Variants in KCNIP4 observed in about 807,000 individuals in gnomAD.
KCNIP4 encodes potassium voltage-gated channel interacting protein 4, also known as Kv channel-interacting protein 4.
In KCNIP4, 12 loss-of-function variants were observed where a neutral mutation model predicts 34.0. That is an observed-to-expected ratio of 0.35 (90% CI 0.23 to 0.57). The LOEUF (loss-of-function observed/expected upper bound fraction) is 0.57, where lower values mean the gene tolerates loss of function less well. Ranked by LOEUF, KCNIP4 falls within the 20% of genes least tolerant of loss-of-function variation. The pLI, the probability that KCNIP4 is intolerant of heterozygous loss-of-function variation, is 0.83. For missense variants in KCNIP4, 238 were observed against 311.7 expected, an observed-to-expected ratio of 0.76 and a Z score of 1.78; for synonymous variants, 124 against 102.2, an observed-to-expected ratio of 1.21 and a Z score of -1.29.
intron 1 of KCNIP4, among the ~76,000 whole-genome samples, chr4:21,179,457 A>C (rs1246886372): frequency 6.6e-6 from 1 of 152,214 alleles, no homozygotes; most frequent in African/African-American, 2.4e-5. Flanking sequence ...AGCATTGGAA[A>C]ATGCCCCAGT....
At chr4:20,805,186 CTTTTTTTTTTTTTTTTTTT>C (rs10552321) in intron 3 of KCNIP4, among the ~76,000 whole-genome samples, 6 of 92,078 alleles carry the variant, frequency 6.5e-5, no homozygotes, top group Non-Finnish European at 1.2e-4. Context: ...TAGATGCTTC[CTTTTTTTTTTTTTTTTTTT>C]TTTTTTTTTT....
At chr4:20,827,789 C>T (rs1717930741) in intron 3 of KCNIP4, among the ~76,000 whole-genome samples, 1 of 134,890 alleles carries the variant, frequency 7.4e-6, no homozygotes, top group South Asian at 2.6e-4. Flanking sequence ...ATTCACAAAA[C>T]AAAATTACCC....
chr4:21,077,051 G>A (rs1466082429), intron 1 of KCNIP4, among the ~76,000 whole-genome samples: 1 of 152,074 alleles, frequency 6.6e-6, no homozygotes, highest in African/African-American at 2.4e-5. Context: ...CTTGAACCAG[G>A]GAGGTGGAGG....
chr4:21,805,678 T>G (rs1186802305), intron 1 of KCNIP4, among the ~76,000 whole-genome samples: 1 of 152,114 alleles, frequency 6.6e-6, no homozygotes, highest in Non-Finnish European at 1.5e-5. Flanking sequence ...CTGTAATATC[T>G]CTATACTCTC....
intron 1 of KCNIP4, among the ~76,000 whole-genome samples, chr4:20,994,023 T>C (rs570890475): frequency 3.3e-5 from 5 of 152,276 alleles, no homozygotes; most frequent in Admixed American, 6.5e-5. Context: ...CCCATCTACC[T>C]CCCTCTTTCT....
intron 1 of KCNIP4, among the ~76,000 whole-genome samples, chr4:21,704,421 A>G (rs1220625804): frequency 6.6e-6 from 1 of 152,154 alleles, no homozygotes; most frequent in Non-Finnish European, 1.5e-5. Context: ...CAATGAAAAG[A>G]CAACATACAG....
chr4:21,086,484 A>C (rs529563395), intron 1 of KCNIP4, among the ~76,000 whole-genome samples: 1 of 152,314 alleles, frequency 6.6e-6, no homozygotes, highest in South Asian at 2.1e-4. Context: ...GCTGTAATAC[A>C]TGCAATTAAA....
intron 1 of KCNIP4, among the ~76,000 whole-genome samples, chr4:21,063,101 A>T (rs1744066420): frequency 6.6e-6 from 1 of 152,116 alleles, no homozygotes; most frequent in African/African-American, 2.4e-5. Context: ...AATGTCTTTT[A>T]CCATGAGCAT....
intron 1 of KCNIP4, among the ~76,000 whole-genome samples, chr4:21,395,755 C>A (rs1482332630): frequency 6.6e-6 from 1 of 152,084 alleles, no homozygotes; most frequent in Non-Finnish European, 1.5e-5. Flanking sequence ...TCATCATCAT[C>A]ATTATCAGCT....
At chr4:21,841,333 C>T in intron 1 of KCNIP4, among the ~76,000 whole-genome samples, 1 of 152,096 alleles carries the variant, frequency 6.6e-6, no homozygotes, top group East Asian at 1.9e-4. Flanking sequence ...CATATTATAC[C>T]TAACAGATGG....
chr4:21,912,987 G>A (rs533053943), intron 1 of KCNIP4, among the ~76,000 whole-genome samples: 36 of 152,022 alleles, frequency 2.4e-4, no homozygotes, highest in African/African-American at 8.2e-4. Flanking sequence ...GGGGGCTATT[G>A]TGGTAATCTA....
In KCNIP4 at chr4:21,373,687, C is replaced by A. The variant is rs1188702672; in HGVS notation, c.62-490978G>T. Among the ~76,000 whole-genome samples the A allele has an allele frequency of 2.0e-5, 3 of 146,970 alleles. 1 individual carries two copies. The highest frequency in any genetic ancestry group is 8.2e-5 in the African/African-American group (3 of 36,734). On this transcript the variant is annotated intron_variant, in intron 1 of 8. Coordinates refer to ENST00000382152, the MANE Select transcript of KCNIP4 (RefSeq NM_025221.6). ...TCATAAAGGTTGGGTTTCTCATTTT[C>A]ATTTTATCTTGTTTATTTATTTATT...
At chr4:20,947,975 T>C (rs1339197316) in intron 1 of KCNIP4, among the ~76,000 whole-genome samples, 1 of 152,174 alleles carries the variant, frequency 6.6e-6, no homozygotes, top group Non-Finnish European at 1.5e-5. Flanking sequence ...AGTTTACACA[T>C]GTGGAAAATG....
At chr4:21,133,372 G>A (rs865935347) in intron 1 of KCNIP4, among the ~76,000 whole-genome samples, 10 of 152,362 alleles carry the variant, frequency 6.6e-5, no homozygotes, top group Middle Eastern at 3.4e-3. Flanking sequence ...GGTCAGGGCA[G>A]ATTATTGAGG....
At chr4:21,806,629 A>G (rs1721314635) in intron 1 of KCNIP4, among the ~76,000 whole-genome samples, 1 of 152,240 alleles carries the variant, frequency 6.6e-6, no homozygotes, top group Non-Finnish European at 1.5e-5. Flanking sequence ...GCATAAATGC[A>G]CACTATTAAC....
At chr4:20,821,713 A>G (rs780694907) in intron 3 of KCNIP4, among the ~76,000 whole-genome samples, 10 of 152,006 alleles carry the variant, frequency 6.6e-5, no homozygotes, top group Non-Finnish European at 1.2e-4. Context: ...GCTCCCATTT[A>G]TAAGTGAGAA....
At chr4:21,624,100 T>C (rs1745163632) in intron 1 of KCNIP4, among the ~76,000 whole-genome samples, 1 of 152,058 alleles carries the variant, frequency 6.6e-6, no homozygotes, top group Non-Finnish European at 1.5e-5. Flanking sequence ...TGTACTACAA[T>C]GAATAGCGCA....
chr4:21,578,615 A>T (rs1045317258), intron 1 of KCNIP4, among the ~76,000 whole-genome samples: 6 of 152,128 alleles, frequency 3.9e-5, no homozygotes, highest in African/African-American at 1.4e-4. Context: ...ACTGCATTAG[A>T]ATAAAGCAAA....
At chr4:20,846,407 C>A (rs1720380103) in intron 3 of KCNIP4, among the ~76,000 whole-genome samples, 1 of 152,176 alleles carries the variant, frequency 6.6e-6, no homozygotes, top group Non-Finnish European at 1.5e-5. Flanking sequence ...TAAAATTGAA[C>A]TGAAGCTATA....
Sources: gnomAD v4.1 joint callset for allele counts (sites outside exome capture counted in the v4.1 genomes callset) on GRCh38, gnomAD v4.1.1 for gene constraint, MANE v1.5 for transcripts, NCBI Gene and HGNC (gene_info 2026-07-23, HGNC 2026-07-21) for gene names.